DGKB: variants seen among roughly 807,000 people sequenced by gnomAD.
DGKB encodes diacylglycerol kinase beta.
Under a neutral mutation model 114.3 loss-of-function variants are expected in DGKB, and 67 were observed. The observed-to-expected ratio is 0.59, with a 90% CI of 0.48 to 0.72. The LOEUF (loss-of-function observed/expected upper bound fraction) is 0.72. DGKB is among the 30% of genes least tolerant of loss of function. DGKB has a pLI of 0.00. For missense variants in DGKB, 907 were observed against 975.2 expected, an observed-to-expected ratio of 0.93 and a Z score of 0.93; for synonymous variants, 398 against 323.1, an observed-to-expected ratio of 1.23 and a Z score of -2.49.
chr7:14,565,027 G>A (rs1797186273), intron 20 of DGKB, among the ~76,000 whole-genome samples: 1 of 152,220 alleles, frequency 6.6e-6, no homozygotes, highest in East Asian at 1.9e-4. Context: ...CCCTTGCAAT[G>A]TAACTGTCTT....
intron 17 of DGKB, among the ~76,000 whole-genome samples, chr7:14,590,554 T>G (rs1334655086): frequency 6.6e-6 from 1 of 152,174 alleles, no homozygotes; most frequent in Non-Finnish European, 1.5e-5. Flanking sequence ...CAGACCAGCT[T>G]ACTCTCTGTA....
chr7:14,733,469 T>C (rs1831206205), intron 5 of DGKB, among the ~76,000 whole-genome samples: 1 of 152,108 alleles, frequency 6.6e-6, no homozygotes, highest in Non-Finnish European at 1.5e-5. Flanking sequence ...GGCAGATTGC[T>C]TGAGGCCAGG....
chr7:14,643,361 G>T (rs1225133352), intron 13 of DGKB, among the ~76,000 whole-genome samples: 1 of 151,828 alleles, frequency 6.6e-6, no homozygotes, highest in Non-Finnish European at 1.5e-5. Flanking sequence ...TTGTTCCAGA[G>T]AGGAAAATCA....
chr7:14,559,172 G>T (rs1796293607), intron 20 of DGKB, among the ~76,000 whole-genome samples: 2 of 152,166 alleles, frequency 1.3e-5, no homozygotes, highest in South Asian at 2.1e-4. Context: ...AATTTTCTTA[G>T]CATATAGACT....
chr7:14,188,528 C>T (rs1366192612), intron 23 of DGKB, among the ~76,000 whole-genome samples: 4 of 144,466 alleles, frequency 2.8e-5, no homozygotes, highest in Non-Finnish European at 4.6e-5. Flanking sequence ...GGCGTGGTGG[C>T]GGGCGCCTGT....
chr7:14,717,332 T>G (rs1396382815), intron 6 of DGKB, among the ~76,000 whole-genome samples: 1 of 152,242 alleles, frequency 6.6e-6, no homozygotes, highest in South Asian at 2.1e-4. Context: ...TCATCCCAAA[T>G]GTGCTCCTGA....
chr7:14,375,669 T>C (rs1030527446), intron 21 of DGKB, among the ~76,000 whole-genome samples: 5 of 152,320 alleles, frequency 3.3e-5, no homozygotes, highest in African/African-American at 1.2e-4. Flanking sequence ...GTGCTCTATT[T>C]AAAATTATAA....
chr7:14,852,098 A>G (rs914452625), intron 1 of DGKB, among the ~76,000 whole-genome samples: 1 of 152,240 alleles, frequency 6.6e-6, no homozygotes, highest in Non-Finnish European at 1.5e-5. Context: ...TAGTAACTAC[A>G]ACAAGTTACT....
chr7:14,912,969 C>T (rs1053394761), intron 1 of DGKB, among the ~76,000 whole-genome samples: 3 of 152,012 alleles, frequency 2.0e-5, no homozygotes, highest in Non-Finnish European at 2.9e-5. Context: ...CATTTCTTTC[C>T]GATTTTGTGG....
At chr7:14,705,201 C>T (rs1825975688) in intron 6 of DGKB, among the ~76,000 whole-genome samples, 1 of 152,000 alleles carries the variant, frequency 6.6e-6, no homozygotes, top group African/African-American at 2.4e-5. Flanking sequence ...ATGCGATCAA[C>T]TGGAAAAAGG....
chr7:14,233,243 A>G (rs886510827), intron 23 of DGKB, among the ~76,000 whole-genome samples: 1 of 151,992 alleles, frequency 6.6e-6, no homozygotes, highest in African/African-American at 2.4e-5. Flanking sequence ...TGGGGAAACA[A>G]TTTTCAGACA....
intron 20 of DGKB, among the ~76,000 whole-genome samples, chr7:14,567,068 A>C (rs1797500708): frequency 7.9e-6 from 1 of 126,714 alleles, no homozygotes; most frequent in African/African-American, 3.0e-5. Flanking sequence ...GATGACCTGT[A>C]TATATATATA....
intron 23 of DGKB, among the ~76,000 whole-genome samples, chr7:14,320,212 C>A (rs1807487489): frequency 6.6e-6 from 1 of 152,190 alleles, no homozygotes. Context: ...GCTTTCCTCG[C>A]TCTCTGGCCC....
intron 23 of DGKB, among the ~76,000 whole-genome samples, chr7:14,282,139 A>G (rs1454497955): frequency 1.4e-5 from 1 of 72,232 alleles, no homozygotes; most frequent in East Asian, 3.5e-4. Flanking sequence ...AAAAAAAGAG[A>G]GAAGAATCAA....
At position 14,206,700 on chromosome 7, in the gene DGKB, G is replaced by T. The variant is rs547008649; in HGVS notation, c.2123-28549C>A. ...TGTAGTTTCTATACCCATAAAATAG[G>T]AATAGTGTCGTATATCCTGGTTGCC... On this transcript the variant is annotated intron_variant, in intron 23 of 25. Coordinates refer to ENST00000402815, the MANE Select transcript of DGKB (RefSeq NM_001350709.2). Among the ~76,000 whole-genome samples the T allele has an allele frequency of 2.0e-5, 3 of 152,114 alleles. No individual in the cohort carries two copies. The South Asian group carries it at 6.2e-4, about 32-fold the overall frequency.
At chr7:14,381,588 T>C (rs1819482308) in intron 21 of DGKB, among the ~76,000 whole-genome samples, 1 of 152,042 alleles carries the variant, frequency 6.6e-6, no homozygotes, top group South Asian at 2.1e-4. Flanking sequence ...AGGGTAGAAA[T>C]AGTTGTCTTC....
At chr7:14,506,301 T>C (rs1175074311) in intron 20 of DGKB, among the ~76,000 whole-genome samples, 2 of 152,208 alleles carry the variant, frequency 1.3e-5, no homozygotes, top group African/African-American at 2.4e-5. Flanking sequence ...AGTCCAGACC[T>C]TCATATGATG....
At chr7:14,920,650 T>C (rs1784468984) in intron 1 of DGKB, among the ~76,000 whole-genome samples, 1 of 152,178 alleles carries the variant, frequency 6.6e-6, no homozygotes, top group Admixed American at 6.5e-5. Flanking sequence ...CCTAAGTATA[T>C]ACCCAACTGA....
chr7:14,851,918 A>G (rs529048813), intron 1 of DGKB, among the ~76,000 whole-genome samples: 1 of 152,158 alleles, frequency 6.6e-6, no homozygotes, highest in African/African-American at 2.4e-5. Flanking sequence ...CTGTCTGCCT[A>G]GTAGCCCCAT....
Sources: allele counts gnomAD v4.1 joint callset (sites outside exome capture counted in the v4.1 genomes callset), GRCh38; gene constraint gnomAD v4.1.1; transcripts MANE v1.5; gene names NCBI Gene and HGNC (gene_info 2026-07-23, HGNC 2026-07-21).